The following XKR9 variants were observed in gnomAD, a reference collection of about 807,000 sequenced individuals.
XKR9 encodes XK related 9.
In XKR9, 32 loss-of-function variants were observed where a neutral mutation model predicts 32.0. The ratio of observed to expected loss-of-function variants is 1.00; its 90% CI spans 0.76 to 1.34. XKR9 has a LOEUF of 1.34. XKR9 is among the 40% of genes most tolerant of loss of function. The probability of loss-of-function intolerance (pLI) is 0.00; values close to 1 mark genes in which losing one functional copy is unlikely to be tolerated. For synonymous variants in XKR9, 168 were observed against 143.4 expected (o/e 1.17, Z -1.22); for missense variants, 546 against 429.7 (o/e 1.27, Z -2.39).
intron 1 of XKR9, among the ~76,000 whole-genome samples, chr8:70,669,789 C>G (rs999572609): frequency 6.6e-6 from 1 of 151,686 alleles, no homozygotes; most frequent in Non-Finnish European, 1.5e-5. Flanking sequence ...GCCTCGGCCT[C>G]CCGAGTAGCT....
chr8:71,019,581 T>C, the XKR9 span, among the ~76,000 whole-genome samples: 1 of 152,170 alleles, frequency 6.6e-6, no homozygotes. Context: ...AGAACACAGG[T>C]TGGTCTCAGA....
At chr8:70,938,987 A>AG in the XKR9 span, among the ~76,000 whole-genome samples, 2 of 144,296 alleles carry the variant, frequency 1.4e-5, no homozygotes, top group South Asian at 2.2e-4. Context: ...TTTTTTTTTC[A>AG]GGGGGTGGTT....
the XKR9 span, among the ~76,000 whole-genome samples, chr8:70,840,545 G>C: frequency 2.0e-5 from 3 of 152,094 alleles, no homozygotes. Flanking sequence ...ACTGAACATT[G>C]AGATTTTTCT....
chr8:70,751,643 T>A (rs866976074), intron 2 of XKR9, among the ~76,000 whole-genome samples: 56 of 152,054 alleles, frequency 3.7e-4, no homozygotes, highest in Admixed American at 1.5e-3. Flanking sequence ...GGAAAGGTGA[T>A]TTGCCGTTTC....
chr8:71,018,807 T>C, the XKR9 span, among the ~76,000 whole-genome samples: 3 of 152,246 alleles, frequency 2.0e-5, no homozygotes, highest in Non-Finnish European at 2.9e-5. Context: ...CAAACTAGCC[T>C]TTTTATGGAT....
At chr8:70,927,380 T>C in the XKR9 span, among the ~76,000 whole-genome samples, 1 of 152,160 alleles carries the variant, frequency 6.6e-6, no homozygotes, top group Non-Finnish European at 1.5e-5. Flanking sequence ...TTCTTGTCTC[T>C]ACCTGTTTTA....
At chr8:70,786,611 A>T (rs1050597300) in intron 2 of XKR9, among the ~76,000 whole-genome samples, 1 of 152,064 alleles carries the variant, frequency 6.6e-6, no homozygotes, top group Non-Finnish European at 1.5e-5. Context: ...TTTGGTTTCC[A>T]CTTGCATGGA....
chr8:70,732,576 G>T (rs1806708292), intron 4 of XKR9, among the ~76,000 whole-genome samples: 1 of 152,224 alleles, frequency 6.6e-6, no homozygotes, highest in African/African-American at 2.4e-5. Flanking sequence ...CCTTGCTGCT[G>T]CATGGACAGA....
intron 2 of XKR9, among the ~76,000 whole-genome samples, chr8:70,758,813 G>A (rs1239351980): frequency 6.6e-6 from 1 of 152,152 alleles, no homozygotes; most frequent in Non-Finnish European, 1.5e-5. Context: ...GAAGCAGCAG[G>A]CATGGGCAGT....
the XKR9 span, among the ~76,000 whole-genome samples, chr8:70,814,872 C>G: frequency 1.3e-5 from 2 of 152,164 alleles, no homozygotes; most frequent in Non-Finnish European, 2.9e-5. Context: ...AAAACATTAA[C>G]TTTGATAAAT....
chr8:70,967,065 C>CTGTTTTTTTTTTTTTTTT, the XKR9 span, among the ~76,000 whole-genome samples: 1 of 101,292 alleles, frequency 9.9e-6, no homozygotes, highest in African/African-American at 4.2e-5. Flanking sequence ...GATCTTGACT[C>CTGTTTTTTTTTTTTTTTT]TTTTTTTTTT....
At chr8:70,907,503 G>C in the XKR9 span, among the ~76,000 whole-genome samples, 1 of 152,022 alleles carries the variant, frequency 6.6e-6, no homozygotes, top group Non-Finnish European at 1.5e-5. Context: ...CCCACTTTCT[G>C]TTTCTTTCCC....
intron 2 of XKR9, among the ~76,000 whole-genome samples, chr8:70,778,818 A>G (rs1807570529): frequency 6.6e-6 from 1 of 152,190 alleles, no homozygotes; most frequent in Non-Finnish European, 1.5e-5. Context: ...GACTTTGCTG[A>G]CGTTGCTTAT....
chr8:70,684,345 T>A (rs999815249), intron 3 of XKR9, among the ~76,000 whole-genome samples: 2 of 152,172 alleles, frequency 1.3e-5, no homozygotes, highest in Non-Finnish European at 2.9e-5. Context: ...ATTTTAAAAA[T>A]TCTTATTTTT....
chr8:70,915,028 G>A, the XKR9 span, among the ~76,000 whole-genome samples: 2 of 151,834 alleles, frequency 1.3e-5, no homozygotes, highest in Non-Finnish European at 2.9e-5. Context: ...AGGGGGCTAG[G>A]GAATGGGGAA....
chr8:70,828,372 A>T, the XKR9 span, among the ~76,000 whole-genome samples: 1 of 152,202 alleles, frequency 6.6e-6, no homozygotes, highest in Non-Finnish European at 1.5e-5. Flanking sequence ...GGAGAATGGG[A>T]CAAGAGCTTC....
chr8:71,055,875 G>T, the XKR9 span, among the ~76,000 whole-genome samples: 1 of 152,176 alleles, frequency 6.6e-6, no homozygotes, highest in African/African-American at 2.4e-5. Flanking sequence ...AATTTTCATA[G>T]TAGAGTATGA....
the XKR9 span, among the ~76,000 whole-genome samples, chr8:70,937,863 T>G: frequency 6.6e-6 from 1 of 152,102 alleles, no homozygotes; most frequent in Non-Finnish European, 1.5e-5. Flanking sequence ...TCTATTTAGA[T>G]CTACCATTTT....
the XKR9 span, among the ~76,000 whole-genome samples, chr8:71,048,970 A>C: frequency 1.3e-5 from 2 of 152,200 alleles, no homozygotes; most frequent in African/African-American, 2.4e-5. Context: ...AGCCAGGTAC[A>C]CTCTGAGTTC....
Sources: gnomAD v4.1 joint callset for allele counts (sites outside exome capture counted in the v4.1 genomes callset) on GRCh38, gnomAD v4.1.1 for gene constraint, MANE v1.5 for transcripts, NCBI Gene and HGNC (gene_info 2026-07-23, HGNC 2026-07-21) for gene names.